The following GYS1 variants were observed in gnomAD, a reference collection of about 807,000 sequenced individuals.
GYS1 encodes glycogen synthase 1.
Under a neutral mutation model 89.1 loss-of-function variants are expected in GYS1, and 60 were observed. The observed-to-expected ratio is 0.67, with a 90% confidence interval of 0.55 to 0.84. The LOEUF (loss-of-function observed/expected upper bound fraction) is 0.84. Among genes scored for constraint, GYS1 ranks in the 40% least tolerant of loss-of-function variants. The pLI is 0.00. For missense variants in GYS1, 888 were observed against 1,003.1 expected, an observed-to-expected ratio of 0.89 and a Z score of 1.55; for synonymous variants, 366 against 401.7, an observed-to-expected ratio of 0.91 and a Z score of 1.06.
In GYS1 at chr19:48,970,715, G is replaced by C; in HGVS notation, c.1646-6C>G. 6.2e-7 allele frequency: 1 copy of C among 1,613,528 alleles called. No homozygotes were observed. Among genetic ancestry groups the C allele is most frequent in the Non-Finnish European group, 8.5e-7 (1 of 1,179,720 alleles). ...CCGGTCAAGAATGTAGATACCTGTG[G>C]AGGCCAGGACCCAGGTTCAGAAAAC... On this transcript the variant is annotated splice_polypyrimidine_tract_variant and splice_region_variant and intron_variant, in intron 13 of 15. Transcript: ENST00000323798.
chr19:48,982,742 A>G lies in GYS1; in HGVS notation c.919T>C (p.Phe307Leu). 2 of 1,612,560 alleles carry G rather than the reference A, an allele frequency of 1.2e-6. No individual in the cohort carries two copies. Among genetic ancestry groups the G allele is most frequent in the Non-Finnish European group, 1.7e-6 (2 of 1,178,770 alleles). Residue 307 changes from phenylalanine to leucine, a missense_variant, in exon 6 of 16, where the codon TTT becomes CTT. Transcript: ENST00000323798. ...TACCCATAAAAATGGCCCCGCACAA[A>G]CTCCTGGATTCGAGCCTTGCTCTGA... is the stretch of plus-strand genomic sequence containing the variant. ...HAQSKARIQE[F>L]VRGHFYGHLD... is the part of the protein sequence containing the mutation.
At chr19:48,985,670 C>CT (rs2038831695) in intron 4 of GYS1, 65 bp from the exon 5 acceptor site, 16 of 1,589,174 alleles carry the variant, frequency 1.0e-5, no homozygotes, top group Middle Eastern at 1.7e-4. Flanking sequence ...GGTCCAGACA[C>CT]TGGGGTCCCA....
At position 48,975,237 on chromosome 19, in the gene GYS1, T is replaced by TTTA. The variant is rs2038627755; in HGVS notation, c.1309-505_1309-504insTAA. Reference sequence around the variant, plus strand: ...TGAGCCATTGCGCTCAGCCTAATTTTTTTTTTTTTTTTTTTTAATAGAGAT... The same window carrying TTTA: ...TGAGCCATTGCGCTCAGCCTAATTTTTTATTTTTTTTTTTTTTTTAATAGAGAT... On this transcript the variant is annotated intron_variant, in intron 10 of 15. Transcript: ENST00000323798. 2.0e-5 allele frequency among the ~76,000 whole-genome samples: 3 copies of TTTA among 150,222 alleles called. No homozygotes were observed. The South Asian group carries it at 6.3e-4, about 32-fold the overall frequency.
chr19:48,990,472 C>T (rs2038909537), intron 2 of GYS1, among the ~76,000 whole-genome samples: 1 of 152,182 alleles, frequency 6.6e-6, no homozygotes, highest in African/African-American at 2.4e-5. Context: ...ATTACTCTTG[C>T]CTGTGGCTCC....
chr19:48,986,180 A>C, intron 3 of GYS1, 145 bp from the exon 4 acceptor site: 1 of 747,220 alleles, frequency 1.3e-6, no homozygotes, highest in Non-Finnish European at 2.3e-6. Context: ...AGCAATCCCA[A>C]CCGGACAGGG....
At position 48,969,316 on chromosome 19, in the gene GYS1, G is replaced by C. The variant is rs1377812789; in HGVS notation, c.2186C>G (p.Thr729Ser). ...GTTACGCTCCTCGCCCAGGGAGCTG[G>C]TGGGGCTGAGGGGCTCGCTCGGGGT... ...LSTPSEPLSP[T>S]SSLGEERN is the part of the protein sequence containing the mutation. The change falls in exon 16 of 16, where the codon ACC becomes AGC. Residue 729 changes from threonine (T) to serine (S), a missense_variant. Physicochemically the swap from Thr to Ser is moderately conservative, Grantham distance 58 (BLOSUM62 1). Transcript: ENST00000323798. 1 of 1,578,914 alleles carries C rather than the reference G, an allele frequency of 6.3e-7. No homozygotes were observed. Among genetic ancestry groups the C allele is most frequent in the African/African-American group, 1.3e-5 (1 of 74,340 alleles).
At chr19:48,974,788 C>T (rs1015161019) in intron 10 of GYS1, 55 bp from the exon 11 acceptor site, 1 of 1,257,662 alleles carries the variant, frequency 8.0e-7, no homozygotes, top group Non-Finnish European at 1.2e-6. Context: ...GAACTCCCTA[C>T]TTCCTCATGA....
intron 13 of GYS1, 90 bp from the exon 14 acceptor site, chr19:48,970,799 C>A: frequency 6.8e-7 from 1 of 1,460,338 alleles, no homozygotes; most frequent in Non-Finnish European, 9.6e-7. Context: ...CCTCCTCTCC[C>A]AGCGGCCCGA....
Position 48,991,096 on chromosome 19 carries a change from G to A in GYS1, c.300+206C>T, listed in dbSNP as rs1568626954. 6.6e-6 allele frequency among the ~76,000 whole-genome samples: 1 copy of A among 152,206 alleles called. No homozygotes were observed. The highest frequency in any genetic ancestry group is 1.5e-5 in the Non-Finnish European group (1 of 68,038). ...TCAGTCTGTCTCATACTTGCCATCT[G>A]TCTGTCCATTCGCCCATGTCTGGGA... On this transcript the variant is annotated intron_variant, in intron 2 of 15. Coordinates refer to ENST00000323798, the MANE Select transcript of GYS1 (RefSeq NM_002103.5). The surrounding 1 kb of genome is among the most constrained non-coding windows in gnomAD (Gnocchi z 4.7).
intron 12 of GYS1, among the ~76,000 whole-genome samples, chr19:48,973,360 G>C (rs2122472142): frequency 6.6e-6 from 1 of 151,702 alleles, no homozygotes; most frequent in East Asian, 1.9e-4. Context: ...AAACAGACTA[G>C]TACTATCTAT....
At chr19:48,983,468 C>G (rs2038796034) in intron 5 of GYS1, among the ~76,000 whole-genome samples, 1 of 152,196 alleles carries the variant, frequency 6.6e-6, no homozygotes, top group African/African-American at 2.4e-5. Context: ...CTTAGCCCAC[C>G]CTGAGATGGA....
chr19:48,973,996 C>A (rs2038605443), intron 12 of GYS1, among the ~76,000 whole-genome samples: 1 of 152,160 alleles, frequency 6.6e-6, no homozygotes, highest in Non-Finnish European at 1.5e-5. Context: ...TGAACTGTGA[C>A]ATCCAGTTCA....
chr19:48,979,336 C>CTTTTTT lies in GYS1; in HGVS notation c.1170-1185_1170-1180dup, dbSNP rs777178030. On this transcript the variant is annotated intron_variant, in intron 8 of 15. Coordinates refer to ENST00000323798, the MANE Select transcript of GYS1 (RefSeq NM_002103.5). Reference sequence around the variant, plus strand: ...TTTGTCTCTTTTTCTTTTTTCTTTTCTTTTTTTTTTTTTTTTTTTTTTTTT... The same window carrying CTTTTTT: ...TTTGTCTCTTTTTCTTTTTTCTTTTCTTTTTTTTTTTTTTTTTTTTTTTTTTTTTTT... Among the ~76,000 whole-genome samples the CTTTTTT allele has an allele frequency of 2.4e-3, 223 of 92,592 alleles. 21 individuals are homozygous for CTTTTTT. Among genetic ancestry groups the CTTTTTT allele is most frequent in the Non-Finnish European group, 3.3e-3 (148 of 44,798 alleles). 60.7% of individuals were successfully genotyped at this position (92,592 alleles called of 152,430 possible).
Position 48,987,223 on chromosome 19 carries a change from CAA to C in GYS1, c.461_462del (p.Phe154TrpfsTer10), listed in dbSNP as rs748123953. 1.9e-6 allele frequency: 3 copies of C among 1,613,634 alleles called. No homozygotes were observed. The highest frequency in any genetic ancestry group is 1.1e-5 in the South Asian group (1 of 90,986). ...CCCAGGAACCAGGTGGTCAGAAAGC[CAA>C]AGAGGACAGCGTCGTTGGCCTCGCG... ...YDREANDAVL[F>X]GFLTTWFLGE... On this transcript the variant is annotated frameshift_variant, in exon 3 of 16. Transcript: ENST00000323798. LOFTEE classifies it high-confidence loss of function.
intron 13 of GYS1, 90 bp from the exon 14 acceptor site, chr19:48,970,799 C>G (rs2122461399): frequency 6.8e-7 from 1 of 1,460,338 alleles, no homozygotes; most frequent in South Asian, 1.1e-5. Context: ...CCTCCTCTCC[C>G]AGCGGCCCGA....
intron 12 of GYS1, 55 bp downstream of exon 12, chr19:48,974,158 T>C: frequency 6.5e-7 from 1 of 1,547,048 alleles, no homozygotes; most frequent in South Asian, 1.2e-5. Flanking sequence ...CCCCAAGACA[T>C]GCTAGCTCTG....
At chr19:48,970,354 A>C (rs1049912793) in intron 14 of GYS1, 192 bp downstream of exon 14, 6 of 600,570 alleles carry the variant, frequency 1.0e-5, no homozygotes, top group East Asian at 2.9e-5. Context: ...TCCTGAGCTC[A>C]TGCGATCCTT....
At chr19:48,992,406 C>G (rs1032599566) in intron 1 of GYS1, among the ~76,000 whole-genome samples, 1 of 135,502 alleles carries the variant, frequency 7.4e-6, no homozygotes, top group Admixed American at 7.4e-5. Context: ...TATTCCAGTA[C>G]GCATGTGTCC....
intron 2 of GYS1, among the ~76,000 whole-genome samples, chr19:48,989,544 C>T (rs1321622619): frequency 2.0e-5 from 3 of 151,716 alleles, no homozygotes; most frequent in African/African-American, 7.3e-5. Context: ...CCACCTCAGC[C>T]TCCTGAGTAA....
Sources: gnomAD v4.1 joint callset for allele counts (sites outside exome capture counted in the v4.1 genomes callset) on GRCh38, gnomAD v4.1.1 for gene constraint, Gnocchi (gnomAD v3.1) non-coding constraint, MANE v1.5 for transcripts, NCBI Gene and HGNC (gene_info 2026-07-23, HGNC 2026-07-21) for gene names.